CREBBP: variants seen among roughly 807,000 people sequenced by gnomAD.
CREBBP encodes the protein CREB binding lysine acetyltransferase, also known as CREB-binding protein.
In CREBBP, 19 loss-of-function variants were observed where a neutral mutation model predicts 265.0. The ratio of observed to expected loss-of-function variants is 0.07; its 90% confidence interval spans 0.05 to 0.11. The LOEUF (loss-of-function observed/expected upper bound fraction) is 0.11, where lower values mean the gene tolerates loss of function less well. Among genes scored for constraint, CREBBP ranks in the 10% least tolerant of loss-of-function variants. The probability of loss-of-function intolerance (pLI) is 1.00; values close to 1 mark genes in which losing one functional copy is unlikely to be tolerated. For missense variants in CREBBP, 2,525 were observed against 3,219.0 expected (o/e 0.78, Z 5.22); for synonymous variants, 1,457 against 1,223.7 (o/e 1.19, Z -3.98).
chr16:3,742,987 A>C (rs748065515), intron 23 of CREBBP: 2 of 152,166 alleles, frequency 1.3e-5, no homozygotes, highest in Non-Finnish European at 2.9e-5. Flanking sequence ...TTCTCTGGGT[A>C]ATTCTGTTTT....
intron 5 of CREBBP, among the ~76,000 whole-genome samples, chr16:3,786,320 C>G (rs1020163873): frequency 6.6e-6 from 1 of 152,052 alleles, no homozygotes; most frequent in Admixed American, 6.5e-5. Context: ...GAGCTGAGAT[C>G]GCGCCACTAC....
chr16:3,737,391 G>C (rs2052089764), intron 26 of CREBBP, among the ~76,000 whole-genome samples: 1 of 151,958 alleles, frequency 6.6e-6, no homozygotes. Flanking sequence ...AAGTAGATTA[G>C]TGGTCGCCTG....
rs369919537 is a variant in CREBBP, at chr16:3,731,159, G to T, written c.5172+33C>A. 1.4e-5 allele frequency: 22 copies of T among 1,600,978 alleles called. No homozygotes were observed. Among genetic ancestry groups the T allele is most frequent in the Non-Finnish European group, 1.9e-5 (22 of 1,172,672 alleles). ...AGGATGCTTCGTCAGACCCCAGGCC[G>T]GCTGTGGGGGTGGGGGTGGGGGCAG... On this transcript the variant is annotated intron_variant, in intron 30 of 30. Coordinates refer to ENST00000262367, the MANE Select transcript of CREBBP (RefSeq NM_004380.3). The surrounding 1 kb of genome is among the most constrained non-coding windows in gnomAD (Gnocchi z 7.7).
chr16:3,837,930 T>A (rs919102264), intron 2 of CREBBP, among the ~76,000 whole-genome samples: 3 of 152,278 alleles, frequency 2.0e-5, no homozygotes, highest in African/African-American at 7.2e-5. Flanking sequence ...CATTCACTCA[T>A]CCACAGCAAC....
chr16:3,795,219 C>T (rs140502964), intron 3 of CREBBP, among the ~76,000 whole-genome samples: 160 of 151,870 alleles, frequency 1.1e-3, no homozygotes, highest in African/African-American at 3.7e-3. Context: ...GGCTCAACTC[C>T]TAAGAGAAAA....
At chr16:3,778,285 C>A in intron 9 of CREBBP, 103 bp from the exon 10 acceptor site, 1 of 952,744 alleles carries the variant, frequency 1.0e-6, no homozygotes, top group Non-Finnish European at 1.7e-6. Flanking sequence ...ATTGAGTACA[C>A]TGGCAAAAGT....
At chr16:3,780,924 A>G in intron 7 of CREBBP, 46 bp from the exon 8 acceptor site, 1 of 1,608,220 alleles carries the variant, frequency 6.2e-7, no homozygotes, top group Non-Finnish European at 8.5e-7. Flanking sequence ...GAAGTGACTC[A>G]AACACACTTT....
At chr16:3,843,962 A>C (rs1249138179) in intron 2 of CREBBP, among the ~76,000 whole-genome samples, 3 of 150,864 alleles carry the variant, frequency 2.0e-5, no homozygotes, top group Non-Finnish European at 4.4e-5. Flanking sequence ...TCCCGGCTAA[A>C]ACGGTGAAAC....
At chr16:3,790,004 G>C (rs904821795) in intron 5 of CREBBP, among the ~76,000 whole-genome samples, 1 of 151,718 alleles carries the variant, frequency 6.6e-6, no homozygotes, top group African/African-American at 2.4e-5. Context: ...AAAAACAAAA[G>C]ATCCTCAAAA....
At chr16:3,868,420 G>A (rs1007884706) in intron 1 of CREBBP, among the ~76,000 whole-genome samples, 2 of 130,028 alleles carry the variant, frequency 1.5e-5, no homozygotes, top group Non-Finnish European at 3.6e-5. Flanking sequence ...CTACAGACCT[G>A]AACTTGGATG....
chr16:3,801,142 G>A (rs188023084), intron 3 of CREBBP, among the ~76,000 whole-genome samples: 2 of 152,266 alleles, frequency 1.3e-5, no homozygotes, highest in East Asian at 1.9e-4. Flanking sequence ...CCTGGGTGAT[G>A]AGCCAACCAA....
At chr16:3,808,497 C>T (rs2053875377) in intron 3 of CREBBP, among the ~76,000 whole-genome samples, 1 of 152,240 alleles carries the variant, frequency 6.6e-6, no homozygotes, top group Non-Finnish European at 1.5e-5. Context: ...CTGCCCCAGA[C>T]CAAACGGCTC....
At chr16:3,829,710 A>G (rs1248299065) in intron 2 of CREBBP, among the ~76,000 whole-genome samples, 1 of 152,238 alleles carries the variant, frequency 6.6e-6, no homozygotes, top group East Asian at 1.9e-4. Flanking sequence ...AACAAAACAA[A>G]CTAATAAAGG....
At position 3,861,844 on chromosome 16, in the gene CREBBP, G is replaced by A. The variant is rs374169052; in HGVS notation, c.86-10835C>T. On this transcript the variant is annotated intron_variant, in intron 1 of 30. Transcript: ENST00000262367. ...CTTCCGTAATTCAGGCTTCTTTTAT[G>A]CAGACACACCAATCCCTAATTAGAA... Among the ~76,000 whole-genome samples, 353 of 150,424 alleles carry A rather than the reference G, an allele frequency of 2.3e-3. 4 individuals carry two copies. In the South Asian group the frequency reaches 0.041, roughly 18 times the overall value.
intron 1 of CREBBP, among the ~76,000 whole-genome samples, chr16:3,858,452 A>C (rs937621701): frequency 2.6e-5 from 4 of 152,228 alleles, no homozygotes; most frequent in Admixed American, 2.0e-4. Context: ...ATGCTCCTAC[A>C]GACACAATGC....
At chr16:3,801,734 C>T (rs1334566495) in intron 3 of CREBBP, among the ~76,000 whole-genome samples, 3 of 152,092 alleles carry the variant, frequency 2.0e-5, no homozygotes, top group South Asian at 2.1e-4. Flanking sequence ...TGCTGGTAAT[C>T]GGGTACATGG....
rs2151298999 is a variant in CREBBP at position 3,727,905 on chromosome 16, C to G, written c.7142G>C (p.Gly2381Ala). Reference sequence around the variant, plus strand: ...GACTGCGAGTCCGGGGTGGGGGGAACCAGTCTGGGGTGAGACGTGGTGTGG... The same window carrying G: ...GACTGCGAGTCCGGGGTGGGGGGAAGCAGTCTGGGGTGAGACGTGGTGTGG... Reference protein sequence around the residue: ...PSPHHVSPQTGSPHPGLAVTM... With the variant: ...PSPHHVSPQTASPHPGLAVTM... The change falls in exon 31 of 31, where the codon GGT becomes GCT. Residue 2381 changes from glycine to alanine, a missense_variant. By Grantham distance (60) the Gly-to-Ala change is moderately conservative. Around this residue, in one of 19 missense-constraint regions of CREBBP, gnomAD observed 473 missense variants for 459.3 expected, o/e 1.03. Coordinates refer to ENST00000262367, the MANE Select transcript of CREBBP (RefSeq NM_004380.3). 1.2e-6 allele frequency: 2 copies of G among 1,612,510 alleles called. No homozygotes were observed. The highest frequency in any genetic ancestry group is 1.1e-5 in the South Asian group (1 of 90,876).
chr16:3,808,101 AG>A (rs2053865404), intron 3 of CREBBP, among the ~76,000 whole-genome samples: 1 of 126,970 alleles, frequency 7.9e-6, no homozygotes, highest in African/African-American at 3.0e-5. Flanking sequence ...ACAGGAAGAG[AG>A]GGAGAGAGAA....
intron 3 of CREBBP, among the ~76,000 whole-genome samples, chr16:3,806,225 C>T (rs1022999330): frequency 1.3e-5 from 2 of 152,072 alleles, no homozygotes; most frequent in East Asian, 1.9e-4. Flanking sequence ...ACACAGAAGA[C>T]CACTCTCCCA....
Sources: allele counts gnomAD v4.1 joint callset (sites outside exome capture counted in the v4.1 genomes callset), GRCh38; gene constraint gnomAD v4.1.1; regional missense constraint gnomAD v4.1.1; non-coding constraint Gnocchi (gnomAD v3.1); transcripts MANE v1.5; gene names NCBI Gene and HGNC (gene_info 2026-07-23, HGNC 2026-07-21).